PHACTR3: variants seen among roughly 807,000 people sequenced by gnomAD.
PHACTR3 encodes phosphatase and actin regulator 3.
Under a neutral mutation model 66.8 loss-of-function variants are expected in PHACTR3, and 16 were observed. That is an observed-to-expected ratio of 0.24 (90% CI 0.16 to 0.36). The LOEUF (loss-of-function observed/expected upper bound fraction) is 0.36, where lower values mean the gene tolerates loss of function less well. PHACTR3 is among the 10% of genes least tolerant of loss of function. The pLI is 1.00. For synonymous variants in PHACTR3, 323 were observed against 292.1 expected, an observed-to-expected ratio of 1.11 and a Z score of -1.08; for missense variants, 647 against 719.9, an observed-to-expected ratio of 0.90 and a Z score of 1.16.
At chr20:59,828,110 T>G (rs2042247073) in intron 8 of PHACTR3, among the ~76,000 whole-genome samples, 2 of 152,216 alleles carry the variant, frequency 1.3e-5, no homozygotes, top group African/African-American at 4.8e-5. Flanking sequence ...GAAGCCTGTT[T>G]ATGATGACCT....
intron 1 of PHACTR3, among the ~76,000 whole-genome samples, chr20:59,696,531 G>T (rs528367552): frequency 1.3e-5 from 2 of 152,258 alleles, no homozygotes; most frequent in East Asian, 3.9e-4. Context: ...GGGACATGGG[G>T]TTTTTCTCCC....
chr20:59,771,091 C>A (rs2040343185), intron 5 of PHACTR3, among the ~76,000 whole-genome samples: 1 of 152,296 alleles, frequency 6.6e-6, no homozygotes, highest in East Asian at 1.9e-4. Flanking sequence ...GGGGGCAGTG[C>A]TGGTTGTCAC....
At chr20:59,809,299 G>A (rs989511920) in intron 8 of PHACTR3, among the ~76,000 whole-genome samples, 1 of 152,122 alleles carries the variant, frequency 6.6e-6, no homozygotes, top group East Asian at 1.9e-4. Context: ...GGTGCAGGTT[G>A]CATTTCTACC....
chr20:59,605,152 CGGCGGGCGGGT>C lies in PHACTR3; in HGVS notation c.118+21_118+31del. 1.9e-5 allele frequency: 5 copies of C among 262,374 alleles called. No homozygotes were observed. Among genetic ancestry groups the C allele is most frequent in the African/African-American group, 4.7e-5 (2 of 42,112 alleles). 16.3% of individuals were successfully genotyped at this position (262,374 alleles called of 1,614,324 possible). On this transcript the variant is annotated intron_variant, in intron 1 of 12. Coordinates refer to ENST00000371015, the MANE Select transcript of PHACTR3 (RefSeq NM_080672.5). ...ACCCAGGTAACGGGCTGGGCGGGGG[CGGCGGGCGGGT>C]CGGGGAGGCCCGAGGCAGGTGGCGC...
chr20:59,810,800 C>T (rs1302044063), intron 8 of PHACTR3, among the ~76,000 whole-genome samples: 2 of 152,186 alleles, frequency 1.3e-5, no homozygotes, highest in Non-Finnish European at 2.9e-5. Flanking sequence ...TTTCACCCCT[C>T]TCTGTGTAGG....
intron 1 of PHACTR3, 131 bp from the exon 2 acceptor site, chr20:59,742,976 A>C: frequency 9.5e-7 from 1 of 1,055,976 alleles, no homozygotes; most frequent in Non-Finnish European, 1.4e-6. Flanking sequence ...ACTGCTGGAC[A>C]ACCATCCTGG....
intron 8 of PHACTR3, among the ~76,000 whole-genome samples, chr20:59,810,831 C>A (rs2041715693): frequency 6.6e-6 from 1 of 152,122 alleles, no homozygotes; most frequent in South Asian, 2.1e-4. Context: ...ACCTTTAAAA[C>A]CTGTGTGGAT....
intron 1 of PHACTR3, among the ~76,000 whole-genome samples, chr20:59,625,872 A>G (rs1047109584): frequency 3.9e-5 from 6 of 152,012 alleles, no homozygotes; most frequent in African/African-American, 1.5e-4. Flanking sequence ...GGCTGGTTCT[A>G]GATCTGGGTG....
chr20:59,612,849 G>A (rs904557809), intron 1 of PHACTR3, among the ~76,000 whole-genome samples: 1 of 152,218 alleles, frequency 6.6e-6, no homozygotes, highest in Non-Finnish European at 1.5e-5. Context: ...CGTGGTGCCA[G>A]CATCTGCTCC....
chr20:59,682,574 T>C (rs1197214056), intron 1 of PHACTR3, among the ~76,000 whole-genome samples: 1 of 151,794 alleles, frequency 6.6e-6, no homozygotes, highest in East Asian at 1.9e-4. Context: ...ACAGGAGAAG[T>C]AGGGGGAGGT....
intron 7 of PHACTR3, among the ~76,000 whole-genome samples, chr20:59,804,161 G>T (rs1182523): frequency 6.6e-6 from 1 of 152,076 alleles, no homozygotes; most frequent in Non-Finnish European, 1.5e-5. Flanking sequence ...AGTCAGATCT[G>T]TAAGTTTTTG....
intron 1 of PHACTR3, among the ~76,000 whole-genome samples, chr20:59,635,149 T>TTCTTTCTTTCTTTCC (rs1555881160): frequency 8.0e-4 from 48 of 60,360 alleles, no homozygotes; most frequent in Middle Eastern, 9.6e-3. Flanking sequence ...CTTTCTTTCT[T>TTCTTTCTTTCTTTCC]TTTCTTTCTT....
chr20:59,741,484 G>T (rs2039161774), intron 1 of PHACTR3, among the ~76,000 whole-genome samples: 1 of 152,226 alleles, frequency 6.6e-6, no homozygotes, highest in Non-Finnish European at 1.5e-5. Flanking sequence ...CCTGTCCCAG[G>T]AGGCATCTGG....
chr20:59,821,922 A>G (rs1482050774), intron 8 of PHACTR3, among the ~76,000 whole-genome samples: 1 of 150,838 alleles, frequency 6.6e-6, no homozygotes, highest in African/African-American at 2.5e-5. Context: ...AGAGGCGCTG[A>G]GAGTGATGTG....
chr20:59,661,379 G>A (rs974689718), intron 1 of PHACTR3, among the ~76,000 whole-genome samples: 2 of 152,090 alleles, frequency 1.3e-5, no homozygotes, highest in African/African-American at 2.4e-5. Context: ...GAGCATGCAC[G>A]TTGCTAATGG....
At chr20:59,812,776 T>C (rs182210678) in intron 8 of PHACTR3, among the ~76,000 whole-genome samples, 2 of 152,206 alleles carry the variant, frequency 1.3e-5, no homozygotes, top group Non-Finnish European at 2.9e-5. Context: ...GCCTTCATAA[T>C]GACACCACTA....
At chr20:59,756,647 A>G (rs2039805124) in intron 4 of PHACTR3, among the ~76,000 whole-genome samples, 1 of 150,116 alleles carries the variant, frequency 6.7e-6, no homozygotes, top group Non-Finnish European at 1.5e-5. Context: ...TGTGTGCCCC[A>G]GGCATCTGAC....
intron 1 of PHACTR3, among the ~76,000 whole-genome samples, chr20:59,613,299 C>T (rs6128644): frequency 0.063 from 9,564 of 152,250 alleles, 604 homozygotes; most frequent in East Asian, 0.31. Flanking sequence ...TAGGGTGGGA[C>T]GTTCAGTGAA....
chr20:59,805,909 G>T, intron 7 of PHACTR3, 132 bp from the exon 8 acceptor site: 1 of 983,660 alleles, frequency 1.0e-6, no homozygotes, highest in Non-Finnish European at 1.5e-6. Flanking sequence ...TGTCCTCTCA[G>T]TTCTAGCCAC....
Sources: gnomAD v4.1 joint callset for allele counts (sites outside exome capture counted in the v4.1 genomes callset) on GRCh38, gnomAD v4.1.1 for gene constraint, MANE v1.5 for transcripts, NCBI Gene and HGNC (gene_info 2026-07-23, HGNC 2026-07-21) for gene names.